TLE3: variants seen among roughly 807,000 people sequenced by gnomAD.
TLE3 encodes the protein TLE family member 3, transcriptional corepressor, also known as transducin-like enhancer protein 3.
TLE3 carries 14 observed loss-of-function variants against 93.0 expected under a neutral mutation model. The observed-to-expected ratio is 0.15, with a 90% CI of 0.10 to 0.24. The LOEUF is 0.24. TLE3 is among the 10% of genes least tolerant of loss of function. The pLI is 1.00. For missense variants in TLE3, 693 were observed against 1,046.6 expected (o/e 0.66, Z 4.66); for synonymous variants, 451 against 425.0 (o/e 1.06, Z -0.75).
chr15:70,050,312 C>A, intron 19 of TLE3, 108 bp from the exon 20 acceptor site: 1 of 847,174 alleles, frequency 1.2e-6, no homozygotes, highest in Non-Finnish European at 2.0e-6. Context: ...CTCTCGGCAA[C>A]AATTGCCCTC....
Position 70,058,710 on chromosome 15 carries a change from C to A in TLE3, c.871G>T (p.Ala291Ser), listed in dbSNP as rs895589564. 4.4e-6 allele frequency: 7 copies of A among 1,608,596 alleles called. No individual in the cohort carries two copies. The highest frequency in any genetic ancestry group is 5.9e-6 in the Non-Finnish European group (7 of 1,177,590). Residue 291 changes from alanine to serine, a missense_variant, in exon 11 of 20, where the codon GCC becomes TCC. By Grantham distance (99) the Ala-to-Ser change is moderately conservative. Transcript: ENST00000451782. The surrounding 1 kb of genome is among the most constrained non-coding windows in gnomAD (Gnocchi z 4.1). ...GAGGAAGGTGTGCTACTGGAAGAGG[C>A]CACCGAGGCAGGGCTGGTGGGGGCA... ...KDAPTSPASV[A>S]SSSSTPSSKT... is the part of the protein sequence containing the mutation.
chr15:70,054,607 G>A lies in TLE3; in HGVS notation c.1657C>T (p.Leu553Phe). 1 of 1,613,146 alleles carries A rather than the reference G, an allele frequency of 6.2e-7. No homozygotes were observed. Among genetic ancestry groups the A allele is most frequent in the Non-Finnish European group, 8.5e-7 (1 of 1,179,472 alleles). ...GGCGAGGCCAGGTCCCAGATGGTGAGCGTGCTGGCCTCGCCGCCCACGATG... is the reference window on the plus strand; with the variant it reads ...GGCGAGGCCAGGTCCCAGATGGTGAACGTGCTGGCCTCGCCGCCCACGATG... ...TLIVGGEAST[L>F]TIWDLASPTP... is the part of the protein sequence containing the mutation. The change falls in exon 16 of 20, where the codon CTC becomes TTC. Residue 553 changes from leucine to phenylalanine, a missense_variant. Leu to Phe is a conservative substitution (Grantham distance 22). Transcript: ENST00000451782.
At chr15:70,087,676 C>T (rs2058094356) in intron 4 of TLE3, among the ~76,000 whole-genome samples, 1 of 152,220 alleles carries the variant, frequency 6.6e-6, no homozygotes. Context: ...ACAACATAGA[C>T]TTCAGGCCCC....
intron 4 of TLE3, among the ~76,000 whole-genome samples, chr15:70,079,117 G>A (rs1567034548): frequency 6.6e-6 from 1 of 151,956 alleles, no homozygotes; most frequent in Non-Finnish European, 1.5e-5. Flanking sequence ...GACCACAGCT[G>A]GGTGGCTCAG....
intron 4 of TLE3, among the ~76,000 whole-genome samples, chr15:70,077,528 T>C (rs1267200819): frequency 6.6e-6 from 1 of 152,224 alleles, no homozygotes; most frequent in Non-Finnish European, 1.5e-5. Context: ...GGAGAATTCC[T>C]TGGGCTAACA....
intron 4 of TLE3, 49 bp downstream of exon 4, chr15:70,094,483 A>C (rs775460423): frequency 1.4e-5 from 19 of 1,392,336 alleles, no homozygotes; most frequent in African/African-American, 1.0e-4. Flanking sequence ...GTCCACATAT[A>C]TAAGTTTTTA....
intron 6 of TLE3, among the ~76,000 whole-genome samples, chr15:70,068,984 C>A (rs1433029227): frequency 2.0e-5 from 3 of 152,228 alleles, no homozygotes; most frequent in African/African-American, 7.2e-5. Context: ...CTGTGTTGTG[C>A]CAGGATCACA....
chr15:70,094,854 C>T (rs2058473423), intron 3 of TLE3: 1 of 396,300 alleles, frequency 2.5e-6, no homozygotes, highest in Admixed American at 4.2e-5. Flanking sequence ...CCTGTTTATA[C>T]AAGGTTCAGG....
intron 2 of TLE3, 64 bp downstream of exon 2, chr15:70,096,097 G>T (rs2058544890): frequency 2.1e-6 from 3 of 1,450,876 alleles, no homozygotes; most frequent in Admixed American, 2.3e-5. Flanking sequence ...GCGGGGGATG[G>T]CAGGAGCCGC....
Position 70,048,738 on chromosome 15 carries a change from A to G in TLE3, c.*1359T>C, listed in dbSNP as rs1349499126. 2 of 152,094 alleles carry G rather than the reference A, an allele frequency of 1.3e-5. No individual in the cohort carries two copies. Among genetic ancestry groups the G allele is most frequent in the Non-Finnish European group, 2.9e-5 (2 of 68,008 alleles). 9.4% of individuals were successfully genotyped at this position (152,094 alleles called of 1,614,324 possible). A position where few individuals can be genotyped will look rare whatever the true frequency, so the allele number is the denominator to read the frequency against. ...AAAGGTGGCACCTGCCAGAGGCGATAGTCTACCTAACCTGTTTGGGCCACA... is the reference window on the plus strand; with the variant it reads ...AAAGGTGGCACCTGCCAGAGGCGATGGTCTACCTAACCTGTTTGGGCCACA... On this transcript the variant is annotated 3_prime_UTR_variant, in exon 20 of 20. Coordinates refer to ENST00000451782, the MANE Select transcript of TLE3 (RefSeq NM_001105192.3).
At position 70,055,031 on chromosome 15, in the gene TLE3, C is replaced by T. The variant is rs762017154; in HGVS notation, c.1578+18G>A. The T allele has an allele frequency of 3.8e-6, 6 of 1,588,348 alleles. No homozygotes were observed. The Admixed American group carries it at 1.1e-4, about 28-fold the overall frequency. ...CCTACACCAGCTGGAGGCGGCGCAG[C>T]AGCCCTGGGATTCTCACCAGGCAGT... is the stretch of plus-strand genomic sequence containing the variant. On this transcript the variant is annotated intron_variant, in intron 15 of 19. Coordinates refer to ENST00000451782, the MANE Select transcript of TLE3 (RefSeq NM_001105192.3).
chr15:70,095,481 G>A (rs1280810858), intron 3 of TLE3, 97 bp downstream of exon 3: 3 of 1,546,388 alleles, frequency 1.9e-6, no homozygotes, highest in Admixed American at 4.0e-5. Context: ...CGGCTGGGCG[G>A]TGGTGGGGAC....
chr15:70,096,585 C>A, intron 1 of TLE3, 190 bp downstream of exon 1: 40 of 1,524,544 alleles, frequency 2.6e-5, no homozygotes, highest in Non-Finnish European at 3.4e-5. Context: ...AGCAGCCCCC[C>A]GCGCCACTCG....
chr15:70,064,108 CTCT>C (rs1393368076), intron 8 of TLE3, among the ~76,000 whole-genome samples: 1 of 152,178 alleles, frequency 6.6e-6, no homozygotes, highest in Non-Finnish European at 1.5e-5. Context: ...TTAGCCCAAG[CTCT>C]TCATTTGACA....
intron 6 of TLE3, among the ~76,000 whole-genome samples, chr15:70,074,248 A>G (rs2057329959): frequency 1.3e-5 from 2 of 152,228 alleles, no homozygotes; most frequent in Admixed American, 6.5e-5. Context: ...ACCCTCCTCA[A>G]TGGCAAGGAC....
intron 16 of TLE3, chr15:70,054,204 A>G (rs1376212599): frequency 4.0e-6 from 2 of 505,428 alleles, no homozygotes; most frequent in South Asian, 3.2e-5. Flanking sequence ...GACATGCTCC[A>G]GCTCCACTTT....
chr15:70,067,031 GT>G, intron 6 of TLE3: 1 of 181,504 alleles, frequency 5.5e-6, no homozygotes, highest in South Asian at 7.7e-5. Context: ...CCTCATGGCA[GT>G]AGCTAACATT....
intron 8 of TLE3, among the ~76,000 whole-genome samples, chr15:70,062,327 C>T (rs2056539202): frequency 6.6e-6 from 1 of 152,222 alleles, no homozygotes; most frequent in Non-Finnish European, 1.5e-5. Context: ...CCACCCTGTG[C>T]TAAGCAGAAA....
intron 1 of TLE3, 146 bp from the exon 2 acceptor site, chr15:70,096,407 G>A (rs954696837): frequency 4.4e-6 from 6 of 1,375,758 alleles, no homozygotes; most frequent in Non-Finnish European, 5.8e-6. Flanking sequence ...GCTCTCCGAC[G>A]GGGCGGAGGG....
Sources: allele counts gnomAD v4.1 joint callset (sites outside exome capture counted in the v4.1 genomes callset), GRCh38; gene constraint gnomAD v4.1.1; non-coding constraint Gnocchi (gnomAD v3.1); transcripts MANE v1.5; gene names NCBI Gene and HGNC (gene_info 2026-07-23, HGNC 2026-07-21).